The following TRRAP variants were observed in gnomAD, a reference collection of about 807,000 sequenced individuals.
TRRAP encodes transformation/transcription domain-associated protein.
TRRAP carries 41 observed loss-of-function variants against 438.8 expected under a neutral mutation model. The observed-to-expected ratio is 0.09, with a 90% CI of 0.07 to 0.12. The LOEUF is 0.12. Ranked by LOEUF, TRRAP falls within the 10% of genes least tolerant of loss-of-function variation. The pLI, the probability that TRRAP is intolerant of heterozygous loss-of-function variation, is 1.00. For missense variants in TRRAP, 3,122 were observed against 5,055.1 expected, an observed-to-expected ratio of 0.62 and a Z score of 11.60; for synonymous variants, 1,994 against 1,962.9, an observed-to-expected ratio of 1.02 and a Z score of -0.42.
chr7:99,010,397 C>T (rs573143297), intron 70 of TRRAP, among the ~76,000 whole-genome samples: 1 of 152,296 alleles, frequency 6.6e-6, no homozygotes, highest in East Asian at 1.9e-4. Context: ...CTGCATGTGT[C>T]GCCGGTGGCC....
At chr7:98,958,191 C>G (rs1554420318) in intron 44 of TRRAP, 100 bp downstream of exon 44, 9 of 1,021,214 alleles carry the variant, frequency 8.8e-6, no homozygotes. Flanking sequence ...AAAAAAGATA[C>G]AGACAAACCA....
At chr7:98,957,135 C>A (rs1584358923) in intron 43 of TRRAP, among the ~76,000 whole-genome samples, 1 of 149,736 alleles carries the variant, frequency 6.7e-6, no homozygotes, top group East Asian at 2.0e-4. Context: ...CCATTGGCCT[C>A]GCTCCACACA....
At chr7:98,927,424 T>C in intron 23 of TRRAP, 58 bp downstream of exon 23, 1 of 1,571,604 alleles carries the variant, frequency 6.4e-7, no homozygotes, top group Non-Finnish European at 8.7e-7. Flanking sequence ...ATAGGTGCTT[T>C]AAAAACTTGC....
intron 49 of TRRAP, among the ~76,000 whole-genome samples, chr7:98,966,589 G>A (rs1474397906): frequency 6.6e-6 from 1 of 152,060 alleles, no homozygotes; most frequent in Non-Finnish European, 1.5e-5. Flanking sequence ...GGATGCTGAG[G>A]CCAGAGAATC....
chr7:98,969,784 A>ATGG (rs893368653), intron 51 of TRRAP, among the ~76,000 whole-genome samples: 3 of 152,046 alleles, frequency 2.0e-5, no homozygotes, highest in Non-Finnish European at 2.9e-5. Flanking sequence ...GTGGAAAGAG[A>ATGG]TGGGTTCAGG....
chr7:98,978,313 C>T lies in TRRAP; in HGVS notation c.8488C>T (p.His2830Tyr). The change falls in exon 57 of 73, where the codon CAC (histidine) becomes TAC (tyrosine). Residue 2830 changes from histidine to tyrosine, a missense_variant. This residue lies in a region of TRRAP where 992 missense variants were observed against 1,281.2 expected (regional missense o/e 0.77). Transcript: ENST00000456197. ...CCCTGAATACCAGCTCTGGGAAGAC[C>T]ACTGGATTCGGTAAGCCAAACACAG... is the stretch of plus-strand genomic sequence containing the variant. ...IFPEYQLWED[H>Y]WIRCSKELNQ... 1 of 1,613,636 alleles carries T rather than the reference C, an allele frequency of 6.2e-7. No homozygotes were observed.
chr7:98,994,379 C>A lies in TRRAP; in HGVS notation c.10048-208C>A, dbSNP rs544705842. Among the ~76,000 whole-genome samples the A allele has an allele frequency of 5.1e-4, 77 of 152,306 alleles. No individual in the cohort carries two copies. Among genetic ancestry groups the A allele is most frequent in the African/African-American group, 1.3e-3 (56 of 41,564 alleles). ...TTTGAATGTTCAGGTCCCTTACTCC[C>A]CAAGGTCAAAAGCGCCTGCTCCCAT... On this transcript the variant is annotated intron_variant, in intron 66 of 72. Coordinates refer to ENST00000456197, the MANE Select transcript of TRRAP (RefSeq NM_001375524.1). This position sits in a 1 kb window ranked among gnomAD's most constrained non-coding sequence, Gnocchi z 4.8.
chr7:98,949,762 A>G lies in TRRAP; in HGVS notation c.5056A>G (p.Arg1686Gly). ...GTGGGTGAGTGAGAACTTCCAAGAGAGGCACCGCAAGGAGAACATGGCAGC... is the reference window on the plus strand; with the variant it reads ...GTGGGTGAGTGAGAACTTCCAAGAGGGGCACCGCAAGGAGAACATGGCAGC... ...RVWVSENFQE[R>G]HRKENMAATN... The change falls in exon 37 of 73, where the codon AGG (arginine) becomes GGG (glycine). Residue 1686 changes from arginine to glycine, a missense_variant. Coordinates refer to ENST00000456197, the MANE Select transcript of TRRAP (RefSeq NM_001375524.1). The G allele has an allele frequency of 6.2e-7, 1 of 1,613,854 alleles. No homozygotes were observed. Among genetic ancestry groups the G allele is most frequent in the Non-Finnish European group, 8.5e-7 (1 of 1,180,030 alleles).
intron 66 of TRRAP, 47 bp downstream of exon 66, chr7:98,993,784 G>T: frequency 6.3e-7 from 1 of 1,581,494 alleles, no homozygotes; most frequent in South Asian, 1.1e-5. Context: ...TAGAGGGGAC[G>T]TGGTGTTCTG....
chr7:98,925,447 G>A (rs1430527675), intron 22 of TRRAP, among the ~76,000 whole-genome samples, 184 bp downstream of exon 22: 29 of 152,318 alleles, frequency 1.9e-4, no homozygotes, highest in Non-Finnish European at 5.9e-5. Context: ...CTGGGTGCTT[G>A]AGAATTAGAA....
In TRRAP at chr7:98,910,263, A is replaced by T. The variant is rs782085204; in HGVS notation, c.1558A>T (p.Thr520Ser). 7 of 1,199,592 alleles carry T rather than the reference A, an allele frequency of 5.8e-6. No homozygotes were observed. In the South Asian group the frequency reaches 1.2e-4, roughly 20 times the overall value. The allele number at this position is 1,199,592 out of a possible 1,614,324, so 74.3% of individuals were successfully genotyped here. A position where few individuals can be genotyped will look rare whatever the true frequency, so the allele number is the denominator to read the frequency against. The change falls in exon 15 of 73, where the codon ACC (threonine) becomes TCC (serine). Residue 520 changes from threonine to serine, a missense_variant. Thr to Ser is a moderately conservative substitution (Grantham distance 58). This residue lies in a region of TRRAP where 115 missense variants were observed against 124.6 expected (regional missense o/e 0.92). Transcript: ENST00000456197. Reference protein sequence around the residue: ...PPPPPPATPVTPAPVPPFEKQ... With the variant: ...PPPPPPATPVSPAPVPPFEKQ... ...CCCACCCCCACCTGCCACCCCTGTG[A>T]CCCCGGCCCCCGTGCCTCCCTTCGA...
chr7:98,997,483 C>CAAAAAAAAAAAAAAAAAAAAAAAAAAAA (rs61132070), intron 67 of TRRAP, among the ~76,000 whole-genome samples: 2 of 42,622 alleles, frequency 4.7e-5, no homozygotes, highest in Non-Finnish European at 8.5e-5. Flanking sequence ...ACTGCTGTTG[C>CAAAAAAAAAAAAAAAAAAAAAAAAAAAA]AAAAAAAAAA....
chr7:98,996,646 T>G (rs1301868963), intron 67 of TRRAP, among the ~76,000 whole-genome samples: 1 of 152,238 alleles, frequency 6.6e-6, no homozygotes, highest in Non-Finnish European at 1.5e-5. Context: ...TTCTTTAAAT[T>G]AACTTCAATT....
At chr7:98,950,307 T>A in intron 38 of TRRAP, 45 bp downstream of exon 38, 1 of 1,598,752 alleles carries the variant, frequency 6.3e-7, no homozygotes, top group Non-Finnish European at 8.5e-7. Context: ...GTATTTGGTC[T>A]GGTTTTCTAG....
At chr7:98,966,692 A>G (rs960740721) in intron 49 of TRRAP, among the ~76,000 whole-genome samples, 2 of 152,210 alleles carry the variant, frequency 1.3e-5, no homozygotes, top group East Asian at 3.8e-4. Context: ...CTTAGAAAAA[A>G]AAAAAAGTTG....
At chr7:98,909,019 ATTTTTTTTTT>A (rs879955419) in intron 14 of TRRAP, 57 bp downstream of exon 14, 10 of 1,091,048 alleles carry the variant, frequency 9.2e-6, no homozygotes, top group Admixed American at 2.8e-5. Context: ...TTGTGGCTAA[ATTTTTTTTTT>A]TTTTTTTTTT....
At position 98,956,122 on chromosome 7, in the gene TRRAP, G is replaced by C. The variant is rs372137759; in HGVS notation, c.5938-24G>C. The C allele has an allele frequency of 2.5e-6, 4 of 1,602,310 alleles. No individual in the cohort carries two copies. In the East Asian group the frequency reaches 9.0e-5, roughly 36 times the overall value. ...TGGGACCAAGCTCCCATGTTCCGGC[G>C]TGATGCTGGCCCTGCGTCCGCAGGT... is the stretch of plus-strand genomic sequence containing the variant. On this transcript the variant is annotated intron_variant, in intron 41 of 72. Coordinates refer to ENST00000456197, the MANE Select transcript of TRRAP (RefSeq NM_001375524.1). This position sits in a 1 kb window ranked among gnomAD's most constrained non-coding sequence, Gnocchi z 4.5.
Position 98,951,014 on chromosome 7 carries a change from CTATG to C in TRRAP, c.5463+12_5463+15del, listed in dbSNP as rs1791308977. Reference sequence around the variant, plus strand: ...TGTGTTTATTACCAAGGTGGTATCACTATGTGTGTGGGTGTGAGAAGTAGCCTGG... The same window carrying C: ...TGTGTTTATTACCAAGGTGGTATCACTGTGTGGGTGTGAGAAGTAGCCTGG... On this transcript the variant is annotated intron_variant, in intron 39 of 72. Transcript: ENST00000456197. 3 of 1,577,884 alleles carry C rather than the reference CTATG, an allele frequency of 1.9e-6. No individual in the cohort carries two copies. Among genetic ancestry groups the C allele is most frequent in the East Asian group, 2.3e-5 (1 of 43,908 alleles).
Position 98,948,561 on chromosome 7 carries a change from T to C in TRRAP, c.4669-5T>C. 6.2e-7 allele frequency: 1 copy of C among 1,614,216 alleles called. No homozygotes were observed. The highest frequency in any genetic ancestry group is 2.2e-5 in the East Asian group (1 of 44,884). ...TGAGATGCAGCATTCCCACATGTTT[T>C]GCAGGCGGGGAGTCCATTCCGAGAG... On this transcript the variant is annotated splice_polypyrimidine_tract_variant and splice_region_variant and intron_variant, in intron 34 of 72. Transcript: ENST00000456197. The surrounding 1 kb of genome is among the most constrained non-coding windows in gnomAD (Gnocchi z 4.9).
Sources: allele counts gnomAD v4.1 joint callset (sites outside exome capture counted in the v4.1 genomes callset), GRCh38; gene constraint gnomAD v4.1.1; regional missense constraint gnomAD v4.1.1; non-coding constraint Gnocchi (gnomAD v3.1); transcripts MANE v1.5; gene names NCBI Gene and HGNC (gene_info 2026-07-23, HGNC 2026-07-21).